SPTLC1: variants seen among roughly 807,000 people sequenced by gnomAD.
The protein encoded by SPTLC1 is serine palmitoyltransferase 1.
In SPTLC1, 55 loss-of-function variants were observed where a neutral mutation model predicts 68.9. That is an observed-to-expected ratio of 0.80 (90% CI 0.64 to 1.00). The LOEUF (loss-of-function observed/expected upper bound fraction) is 1.00, where lower values mean the gene tolerates loss of function less well. Among genes scored for constraint, SPTLC1 ranks in the 50% least tolerant of loss-of-function variants. SPTLC1 has a pLI of 0.00. For synonymous variants in SPTLC1, 197 were observed against 201.6 expected (o/e 0.98, Z 0.19); for missense variants, 449 against 573.1 (o/e 0.78, Z 2.21).
intron 5 of SPTLC1, among the ~76,000 whole-genome samples, chr9:92,077,308 C>T (rs1415027293): frequency 6.6e-6 from 1 of 152,072 alleles, no homozygotes; most frequent in Non-Finnish European, 1.5e-5. Context: ...TGCCAATTTC[C>T]TTTTACCTAC....
intron 6 of SPTLC1, among the ~76,000 whole-genome samples, chr9:92,059,603 C>T (rs1834016759): frequency 6.6e-6 from 1 of 152,170 alleles, no homozygotes; most frequent in Non-Finnish European, 1.5e-5. Context: ...ACATACTTTT[C>T]TCTTTCTAAG....
intron 5 of SPTLC1, chr9:92,077,144 T>C (rs1016835168): frequency 2.6e-5 from 4 of 152,238 alleles, no homozygotes. Context: ...CTCCTCCGAA[T>C]TCGAGCCACA....
chr9:92,097,157 G>T (rs1835556120), intron 3 of SPTLC1, among the ~76,000 whole-genome samples: 1 of 152,138 alleles, frequency 6.6e-6, no homozygotes, highest in African/African-American at 2.4e-5. Context: ...CAATAAAATA[G>T]AAAATAATAA....
intron 1 of SPTLC1, among the ~76,000 whole-genome samples, chr9:92,112,966 G>C (rs559729667): frequency 2.0e-5 from 3 of 152,198 alleles, no homozygotes; most frequent in Admixed American, 2.0e-4. Flanking sequence ...AATTAGCTGG[G>C]TCTGGTGGCG....
chr9:92,051,558 G>A (rs1351061718), intron 8 of SPTLC1, among the ~76,000 whole-genome samples: 1 of 152,180 alleles, frequency 6.6e-6, no homozygotes, highest in East Asian at 1.9e-4. Flanking sequence ...TATAAGATCA[G>A]GAACAAGACA....
intron 7 of SPTLC1, among the ~76,000 whole-genome samples, chr9:92,056,089 A>G (rs1322616779): frequency 6.6e-6 from 1 of 152,222 alleles, no homozygotes; most frequent in East Asian, 1.9e-4. Flanking sequence ...CAAAAAGTTA[A>G]AAAACTCAAA....
intron 12 of SPTLC1, among the ~76,000 whole-genome samples, chr9:92,045,569 CTTGT>C (rs1305712060): frequency 1.7e-5 from 2 of 120,560 alleles, no homozygotes; most frequent in Non-Finnish European, 3.4e-5. Context: ...TAAAATTTCA[CTTGT>C]TTCTTTTTCT....
At position 92,088,103 on chromosome 9, in the gene SPTLC1, C is replaced by T. The variant is rs144725588; in HGVS notation, c.261-7140G>A. Among the ~76,000 whole-genome samples, 92 of 152,342 alleles carry T rather than the reference C, an allele frequency of 6.0e-4. No homozygotes were observed. In the East Asian group the frequency reaches 0.016, roughly 27 times the overall value. ...CCGTTTTTTAAGCGTGTCGGAAAAG[C>T]GCAGTATTAGGGTGGGAGTGACCCA... is the stretch of plus-strand genomic sequence containing the variant. On this transcript the variant is annotated intron_variant, in intron 3 of 14. Transcript: ENST00000262554.
intron 5 of SPTLC1, chr9:92,079,054 C>A (rs891844166): frequency 5.8e-5 from 55 of 954,664 alleles, no homozygotes; most frequent in Non-Finnish European, 6.5e-5. Context: ...CTATTTCCAG[C>A]AATAAATTCA....
rs561799527 is a variant in SPTLC1, at chr9:92,090,632, T to C, written c.261-9669A>G. Among the ~76,000 whole-genome samples the C allele has an allele frequency of 2.7e-4, 41 of 149,650 alleles. No individual in the cohort carries two copies. The South Asian group carries it at 7.4e-3, about 27-fold the overall frequency. On this transcript the variant is annotated intron_variant, in intron 3 of 14. Transcript: ENST00000262554. ...GTCTCAAAAAACAAACAAAAAAAAA[T>C]TGGACAGGAATTACTTATGTTAAGC... is the stretch of plus-strand genomic sequence containing the variant.
chr9:92,105,545 A>G, intron 3 of SPTLC1: 2 of 586,716 alleles, frequency 3.4e-6, no homozygotes, highest in Non-Finnish European at 6.0e-6. Flanking sequence ...GGAAGTGAGG[A>G]GCGCCTCTGC....
chr9:92,043,823 G>A (rs1564083552), intron 12 of SPTLC1, among the ~76,000 whole-genome samples: 1 of 152,168 alleles, frequency 6.6e-6, no homozygotes, highest in Non-Finnish European at 1.5e-5. Flanking sequence ...CAGATAGGCT[G>A]TTTCACTTTT....
At chr9:92,056,496 G>A (rs1314028978) in intron 7 of SPTLC1, among the ~76,000 whole-genome samples, 1 of 152,130 alleles carries the variant, frequency 6.6e-6, no homozygotes, top group Non-Finnish European at 1.5e-5. Context: ...AAACTGCTGG[G>A]ATTACAGCTT....
chr9:92,080,863 T>C lies in SPTLC1; in HGVS notation c.354+7A>G. 6.3e-7 allele frequency: 1 copy of C among 1,599,140 alleles called. No individual in the cohort carries two copies. Among genetic ancestry groups the C allele is most frequent in the South Asian group, 1.1e-5 (1 of 90,808 alleles). ...ATCTGTCCACTTCAGCAATATGTGC[T>C]ACTCACCTTAACCCTAGGGTTATCC... is the stretch of plus-strand genomic sequence containing the variant. On this transcript the variant is annotated splice_region_variant and intron_variant, in intron 4 of 14. Coordinates refer to ENST00000262554, the MANE Select transcript of SPTLC1 (RefSeq NM_006415.4).
intron 3 of SPTLC1, among the ~76,000 whole-genome samples, chr9:92,088,143 G>A (rs1835226509): frequency 6.6e-6 from 1 of 152,190 alleles, no homozygotes; most frequent in Admixed American, 6.5e-5. Flanking sequence ...TTCAGGTGCC[G>A]TCTGTCACCC....
chr9:92,059,473 C>G (rs946491147), intron 6 of SPTLC1, among the ~76,000 whole-genome samples, 165 bp from the exon 7 acceptor site: 2 of 152,204 alleles, frequency 1.3e-5, no homozygotes, highest in Non-Finnish European at 2.9e-5. Context: ...TGCTCTTCAT[C>G]CATGAGTCCT....
chr9:92,084,063 A>G (rs1050530666), intron 3 of SPTLC1, among the ~76,000 whole-genome samples: 6 of 151,884 alleles, frequency 4.0e-5, no homozygotes, highest in African/African-American at 1.4e-4. Context: ...GGTGTATAAG[A>G]ATGCTTGTGA....
At chr9:92,056,238 T>C (rs1024535012) in intron 7 of SPTLC1, among the ~76,000 whole-genome samples, 1 of 152,098 alleles carries the variant, frequency 6.6e-6, no homozygotes, top group African/African-American at 2.4e-5. Flanking sequence ...GAGGTCTCCT[T>C]TTCTTTTTTT....
intron 3 of SPTLC1, among the ~76,000 whole-genome samples, chr9:92,102,376 C>T (rs1421866541): frequency 6.6e-6 from 1 of 152,198 alleles, no homozygotes; most frequent in Non-Finnish European, 1.5e-5. Flanking sequence ...ACTGAGAATT[C>T]TACATTACTG....
Sources: gnomAD v4.1 joint callset for allele counts (sites outside exome capture counted in the v4.1 genomes callset) on GRCh38, gnomAD v4.1.1 for gene constraint, MANE v1.5 for transcripts, NCBI Gene and HGNC (gene_info 2026-07-23, HGNC 2026-07-21) for gene names.